Variants in MSI2 observed in about 807,000 individuals in gnomAD.
MSI2 encodes musashi RNA binding protein 2.
A neutral mutation model predicts 45.6 loss-of-function variants in MSI2; 17 were observed. The observed-to-expected ratio is 0.37, with a 90% CI of 0.26 to 0.56. The LOEUF (loss-of-function observed/expected upper bound fraction) is 0.56, where lower values mean the gene tolerates loss of function less well. MSI2 is among the 20% of genes least tolerant of loss of function. MSI2 has a pLI of 0.77. For synonymous variants in MSI2, 156 were observed against 158.2 expected (o/e 0.99, Z 0.11); for missense variants, 293 against 444.2 (o/e 0.66, Z 3.06).
At chr17:57,600,779 C>T (rs897852013) in intron 8 of MSI2, 2 of 152,234 alleles carry the variant, frequency 1.3e-5, no homozygotes, top group South Asian at 4.1e-4. Flanking sequence ...CCCTTTCACA[C>T]ATAAAGATCC....
At chr17:57,650,619 AC>A (rs2144681749) in intron 10 of MSI2, among the ~76,000 whole-genome samples, 1 of 152,120 alleles carries the variant, frequency 6.6e-6, no homozygotes, top group Admixed American at 6.5e-5. Context: ...CATTTATTTC[AC>A]CTGGATCTTT....
intron 6 of MSI2, among the ~76,000 whole-genome samples, chr17:57,415,749 CCTCT>C (rs1172027286): frequency 2.0e-5 from 3 of 152,004 alleles, no homozygotes; most frequent in Non-Finnish European, 2.9e-5. Context: ...TGCACAAAGC[CCTCT>C]CTGTGTGCCA....
intron 9 of MSI2, among the ~76,000 whole-genome samples, chr17:57,617,948 G>A (rs145838798): frequency 1.1e-4 from 16 of 152,110 alleles, no homozygotes; most frequent in African/African-American, 2.7e-4. Context: ...GCACGTGCCC[G>A]TAATCCCAGC....
intron 6 of MSI2, among the ~76,000 whole-genome samples, chr17:57,506,160 C>G (rs901299978): frequency 2.0e-5 from 3 of 152,214 alleles, no homozygotes; most frequent in Non-Finnish European, 4.4e-5. Flanking sequence ...ACGCCCTCAC[C>G]TAGGTCTGTC....
At chr17:57,477,147 T>G (rs1331973184) in intron 6 of MSI2, among the ~76,000 whole-genome samples, 2 of 8,554 alleles carry the variant, frequency 2.3e-4, no homozygotes, top group Admixed American at 2.3e-3. Flanking sequence ...TAAGGCCTGG[T>G]GTGTGTGTGT....
intron 5 of MSI2, among the ~76,000 whole-genome samples, chr17:57,356,918 C>A (rs1177836237): frequency 6.6e-6 from 1 of 152,088 alleles, no homozygotes; most frequent in Non-Finnish European, 1.5e-5. Flanking sequence ...TGAATGTCCT[C>A]GCTTTGGGGT....
At chr17:57,582,777 T>C (rs1163392359) in intron 7 of MSI2, among the ~76,000 whole-genome samples, 1 of 152,246 alleles carries the variant, frequency 6.6e-6, no homozygotes, top group Non-Finnish European at 1.5e-5. Context: ...CATTTTTATA[T>C]TTTTAACAAA....
intron 6 of MSI2, among the ~76,000 whole-genome samples, chr17:57,484,031 C>T (rs189870241): frequency 1.3e-3 from 201 of 152,284 alleles, no homozygotes; most frequent in African/African-American, 4.5e-3. Flanking sequence ...AATGGAGAAA[C>T]GGAGGCACTT....
At chr17:57,392,380 G>C (rs769493143) in intron 5 of MSI2, among the ~76,000 whole-genome samples, 1 of 152,202 alleles carries the variant, frequency 6.6e-6, no homozygotes, top group Non-Finnish European at 1.5e-5. Flanking sequence ...CCCAGCCGAA[G>C]CATCCTGATC....
rs1159832278 is a variant in MSI2 at position 57,680,042 on chromosome 17, A to G, written c.*525A>G. On this transcript the variant is annotated 3_prime_UTR_variant, in exon 14 of 14. Transcript: ENST00000284073. ...TCCATATTTTGGTACCAATTCTGAG[A>G]CTGTATGAATTTTCAGGTGGAACTT... 9 of 228,462 alleles carry G rather than the reference A, an allele frequency of 3.9e-5. No homozygotes were observed. In the East Asian group the frequency reaches 5.6e-4, roughly 14 times the overall value. The allele number at this position is 228,462 out of a possible 1,614,324, so 14.2% of individuals were successfully genotyped here.
intron 8 of MSI2, among the ~76,000 whole-genome samples, chr17:57,605,019 T>C (rs948970538): frequency 1.3e-5 from 2 of 152,214 alleles, no homozygotes; most frequent in East Asian, 3.9e-4. Flanking sequence ...TTCACAATCC[T>C]ATTTGTAGCA....
At chr17:57,544,433 C>G (rs2087119352) in intron 7 of MSI2, among the ~76,000 whole-genome samples, 1 of 152,164 alleles carries the variant, frequency 6.6e-6, no homozygotes, top group South Asian at 2.1e-4. Flanking sequence ...CTGGGTTCAT[C>G]CCCTCTTTTC....
At chr17:57,418,854 A>C (rs12950343) in intron 6 of MSI2, among the ~76,000 whole-genome samples, 106,830 of 152,094 alleles carry the variant, frequency 0.7, 38,151 homozygotes, top group South Asian at 0.87. Flanking sequence ...TCTGTAAAAA[A>C]CCAGTGACAT....
At position 57,627,212 on chromosome 17, in the gene MSI2, TTCTC is replaced by T; in HGVS notation, c.653-15_653-12del. ...GGCTGTACTAACAGGACTCTGATCT[TTCTC>T]TTTGTGTTCAAGGATATCCCAACTT... On this transcript the variant is annotated splice_polypyrimidine_tract_variant and intron_variant, in intron 9 of 13. Coordinates refer to ENST00000284073, the MANE Select transcript of MSI2 (RefSeq NM_138962.4). The surrounding 1 kb of genome is among the most constrained non-coding windows in gnomAD (Gnocchi z 4.6). 6.2e-7 allele frequency: 1 copy of T among 1,613,936 alleles called. No homozygotes were observed. Among genetic ancestry groups the T allele is most frequent in the South Asian group, 1.1e-5 (1 of 91,076 alleles).
chr17:57,451,097 G>C (rs572721549), intron 6 of MSI2, among the ~76,000 whole-genome samples: 1 of 152,246 alleles, frequency 6.6e-6, no homozygotes, highest in Non-Finnish European at 1.5e-5. Context: ...GAGGGTACAG[G>C]TAAGTATCCA....
chr17:57,454,894 A>C (rs1010850458), intron 6 of MSI2, among the ~76,000 whole-genome samples: 1 of 152,204 alleles, frequency 6.6e-6, no homozygotes, highest in African/African-American at 2.4e-5. Flanking sequence ...GGGTGCCGCT[A>C]GCATCATTCC....
chr17:57,441,379 C>T (rs909615922), intron 6 of MSI2, among the ~76,000 whole-genome samples: 2 of 152,244 alleles, frequency 1.3e-5, no homozygotes, highest in Admixed American at 1.3e-4. Flanking sequence ...ATGCCCTACA[C>T]ACTGCCTGCT....
intron 5 of MSI2, among the ~76,000 whole-genome samples, chr17:57,365,475 T>C (rs1487396774): frequency 1.3e-5 from 2 of 152,186 alleles, no homozygotes; most frequent in African/African-American, 4.8e-5. Flanking sequence ...GGGGAACAGA[T>C]ACTGCACGGA....
the MSI2 span, among the ~76,000 whole-genome samples, chr17:57,698,681 G>A: frequency 9.9e-5 from 15 of 152,056 alleles, no homozygotes; most frequent in Admixed American, 2.6e-4. Context: ...TGAGTTTATG[G>A]CCCTCTTTCC....
Sources: gnomAD v4.1 joint callset for allele counts (sites outside exome capture counted in the v4.1 genomes callset) on GRCh38, gnomAD v4.1.1 for gene constraint, Gnocchi (gnomAD v3.1) non-coding constraint, MANE v1.5 for transcripts, NCBI Gene and HGNC (gene_info 2026-07-23, HGNC 2026-07-21) for gene names.